MUC3A: variants seen among roughly 807,000 people sequenced by gnomAD.
MUC3A encodes mucin-3A.
In MUC3A, 109 loss-of-function variants were observed where a neutral mutation model predicts 109.0. The ratio of observed to expected loss-of-function variants is 1.00; its 90% confidence interval spans 0.86 to 1.17. The LOEUF (loss-of-function observed/expected upper bound fraction) is 1.17. Among genes scored for constraint, MUC3A ranks in the 50% most tolerant of loss-of-function variants. MUC3A has a pLI of 0.00. For missense variants in MUC3A, 3,537 were observed against 2,469.4 expected (o/e 1.43, Z -9.16); for synonymous variants, 1,398 against 981.4 (o/e 1.42, Z -7.93).
intron 7 of MUC3A, 59 bp downstream of exon 7, chr7:100,965,406 A>G: frequency 6.4e-7 from 1 of 1,568,468 alleles, no homozygotes; most frequent in African/African-American, 1.3e-5. Flanking sequence ...GCTACCAGGG[A>G]CATTTGCCCA....
chr7:100,966,561 T>G lies in MUC3A; in HGVS notation c.9785+2T>G, dbSNP rs1331874473. ...GTGGGGCGGCCAGCGCCGAGGCCGG[T>G]GAGCGTGCGGGGGGCGGGGCCGGGG... On this transcript the variant is annotated splice_donor_variant, in intron 9 of 11. Coordinates refer to ENST00000379458, the MANE Select transcript of MUC3A (RefSeq NM_005960.2). LOFTEE classifies it high-confidence loss of function. 2 of 1,439,196 alleles carry G rather than the reference T, an allele frequency of 1.4e-6. No homozygotes were observed. Among genetic ancestry groups the G allele is most frequent in the East Asian group, 2.6e-5 (1 of 38,770 alleles). 89.2% of individuals were successfully genotyped at this position (1,439,196 alleles called of 1,614,324 possible). A position where few individuals can be genotyped will look rare whatever the true frequency, so the allele number is the denominator to read the frequency against.
Position 100,954,721 on chromosome 7 carries a change from C to A in MUC3A, c.2942C>A (p.Ala981Asp). 1.0e-5 allele frequency: 4 copies of A among 400,806 alleles called. No homozygotes were observed. Among genetic ancestry groups the A allele is most frequent in the Admixed American group, 4.4e-5 (1 of 22,896 alleles). The allele number at this position is 400,806 out of a possible 1,614,324, so 24.8% of individuals were successfully genotyped here. Residue 981 changes from alanine (A) to aspartate (D), a missense_variant, in exon 2 of 12, where the codon GCC becomes GAC. Ala to Asp is a moderately radical substitution (Grantham distance 126). Transcript: ENST00000379458. ...RGQTTFPSSTATFPETTTLTP... is the reference protein window; with the variant it reads ...RGQTTFPSSTDTFPETTTLTP... Reference sequence around the variant, plus strand: ...CAGACCACCTTTCCCAGCTCTACAGCCACATTCCCTGAGACCACTACACTG... The same window carrying A: ...CAGACCACCTTTCCCAGCTCTACAGACACATTCCCTGAGACCACTACACTG...
chr7:100,956,525 A>C lies in MUC3A; in HGVS notation c.4746A>C (p.Ser1582=), dbSNP rs1190166512. 0.1 allele frequency: 38,062 copies of C among 381,206 alleles called. No individual in the cohort carries two copies. The highest frequency in any genetic ancestry group is 0.14 in the African/African-American group (6,209 of 42,850). 23.6% of individuals were successfully genotyped at this position (381,206 alleles called of 1,614,324 possible). The change falls in exon 2 of 12, where the codon TCA becomes TCC. Residue 1582 remains serine, a synonymous_variant. Transcript: ENST00000379458. ...CACAACCAACAACTATTACTCCCTC[A>C]TCCGTGGGCATCAGTGGTTCATTAC... is the stretch of plus-strand genomic sequence containing the variant. ...PTSQPTTITP[S]SVGISGSLPM...
intron 3 of MUC3A, 167 bp downstream of exon 3, chr7:100,961,104 C>G: frequency 1.0e-6 from 1 of 980,740 alleles, no homozygotes; most frequent in Non-Finnish European, 1.2e-6. Context: ...ATGCTCCTCT[C>G]CGTCCTCACC....
Position 100,965,367 on chromosome 7 carries a change from C to G in MUC3A, c.9448+20C>G, listed in dbSNP as rs764628120. The G allele has an allele frequency of 1.3e-6, 2 of 1,595,574 alleles. No individual in the cohort carries two copies. The highest frequency in any genetic ancestry group is 1.7e-6 in the Non-Finnish European group (2 of 1,178,148). On this transcript the variant is annotated intron_variant, in intron 7 of 11. Transcript: ENST00000379458. Reference sequence around the variant, plus strand: ...CGGCAGGTAAGGGTGGGGTAAAGGGCTGAGTGGTCTCCCGCGGCTATGATC... The same window carrying G: ...CGGCAGGTAAGGGTGGGGTAAAGGGGTGAGTGGTCTCCCGCGGCTATGATC...
At position 100,964,735 on chromosome 7, in the gene MUC3A, A is replaced by G; in HGVS notation, c.9274A>G (p.Met3092Val). Residue 3092 changes from methionine to valine, a missense_variant, in exon 6 of 12, where the codon ATG (methionine) becomes GTG (valine). Met to Val is a conservative substitution (Grantham distance 21, BLOSUM62 1). Coordinates refer to ENST00000379458, the MANE Select transcript of MUC3A (RefSeq NM_005960.2). ...GGTGGACTACCTGGTCCTGCTGGAG[A>G]TGCCCTTCAGCCCCCAGCTGGAGAG... Reference protein sequence around the residue: ...IVVDYLVLLEMPFSPQLESEY... With the variant: ...IVVDYLVLLEVPFSPQLESEY... 2 of 1,598,496 alleles carry G rather than the reference A, an allele frequency of 1.3e-6. No individual in the cohort carries two copies. Among genetic ancestry groups the G allele is most frequent in the Non-Finnish European group, 1.7e-6 (2 of 1,179,784 alleles).
In MUC3A at chr7:100,965,739, G is replaced by C; in HGVS notation, c.9484G>C (p.Glu3162Gln). 1.3e-6 allele frequency: 2 copies of C among 1,598,386 alleles called. No homozygotes were observed. The highest frequency in any genetic ancestry group is 8.5e-7 in the Non-Finnish European group (1 of 1,179,760). The change falls in exon 8 of 12, where the codon GAG becomes CAG. Residue 3162 changes from glutamate (E) to glutamine (Q), a missense_variant. Glu to Gln is a conservative substitution (Grantham distance 29, BLOSUM62 2). Coordinates refer to ENST00000379458, the MANE Select transcript of MUC3A (RefSeq NM_005960.2). ...CRRAAPTGYE[E>Q]FYFPLVEATR... ...CCGCGCCGCTCCCACGGGCTATGAA[G>C]AGTTCTACTTCCCCTTGGTGGAGGC... is the stretch of plus-strand genomic sequence containing the variant.
Position 100,956,258 on chromosome 7 carries a change from C to T in MUC3A, c.4479C>T (p.Thr1493=). 3.9e-6 allele frequency: 2 copies of T among 511,662 alleles called. No individual in the cohort carries two copies. The highest frequency in any genetic ancestry group is 3.6e-5 in the South Asian group (1 of 27,758). The allele number at this position is 511,662 out of a possible 1,614,324, so 31.7% of individuals were successfully genotyped here. Reference sequence around the variant, plus strand: ...TGACAGAGACATCATCTACTGCCACCTCTCTTCCACCCACCTCTTCCTTGG... The same window carrying T: ...TGACAGAGACATCATCTACTGCCACTTCTCTTCCACCCACCTCTTCCTTGG... The part of the protein sequence containing the change: ...TTMTETSSTA[T]SLPPTSSLVS... Residue 1493 remains threonine (T), a synonymous_variant, in exon 2 of 12, where the codon ACC becomes ACT. Coordinates refer to ENST00000379458, the MANE Select transcript of MUC3A (RefSeq NM_005960.2).
chr7:100,957,289 C>A lies in MUC3A; in HGVS notation c.5510C>A (p.Ser1837Tyr). ...SNSDTSSTPTSETTYPTSLTS... is the reference protein window; with the variant it reads ...SNSDTSSTPTYETTYPTSLTS... ...TCCGACACCAGTTCTACACCTACAT[C>A]TGAGACCACCTACCCTACTTCTCTT... Residue 1837 changes from serine to tyrosine, a missense_variant, in exon 2 of 12, where the codon TCT (serine) becomes TAT (tyrosine). By Grantham distance (144) the Ser-to-Tyr change is moderately radical. Coordinates refer to ENST00000379458, the MANE Select transcript of MUC3A (RefSeq NM_005960.2). 1 of 564,814 alleles carries A rather than the reference C, an allele frequency of 1.8e-6. No homozygotes were observed. The highest frequency in any genetic ancestry group is 3.0e-5 in the East Asian group (1 of 32,870). 35.0% of individuals were successfully genotyped at this position (564,814 alleles called of 1,614,324 possible). A position where few individuals can be genotyped will look rare whatever the true frequency, so the allele number is the denominator to read the frequency against.
intron 4 of MUC3A, 97 bp from the exon 5 acceptor site, chr7:100,963,591 G>T: frequency 6.3e-7 from 1 of 1,575,314 alleles, no homozygotes; most frequent in Admixed American, 1.7e-5. Flanking sequence ...GGCCGGGGAG[G>T]GGAATTGAAG....
chr7:100,964,677 A>C lies in MUC3A; in HGVS notation c.9234-18A>C, dbSNP rs771204319. The C allele has an allele frequency of 6.3e-7, 1 of 1,596,146 alleles. No individual in the cohort carries two copies. The highest frequency in any genetic ancestry group is 1.7e-5 in the Admixed American group (1 of 59,914). On this transcript the variant is annotated intron_variant, in intron 5 of 11. Coordinates refer to ENST00000379458, the MANE Select transcript of MUC3A (RefSeq NM_005960.2). ...ATGTTCCTGGCTGGGGCACTCTCTA[A>C]GGCTGTGGACCCCTCAGGAATGGCA... is the stretch of plus-strand genomic sequence containing the variant.
chr7:100,959,639 G>C lies in MUC3A; in HGVS notation c.7860G>C (p.Leu2620Phe). 1 of 1,598,512 alleles carries C rather than the reference G, an allele frequency of 6.3e-7. No individual in the cohort carries two copies. The highest frequency in any genetic ancestry group is 1.1e-5 in the South Asian group (1 of 91,084). Residue 2620 changes from leucine (L) to phenylalanine (F), a missense_variant, in exon 2 of 12, where the codon TTG (leucine) becomes TTC (phenylalanine). By Grantham distance (22) the Leu-to-Phe change is conservative. Coordinates refer to ENST00000379458, the MANE Select transcript of MUC3A (RefSeq NM_005960.2). ...TLHTLTPSTA[L>F]STIVSTSQVP... Reference sequence around the variant, plus strand: ...ATACTCTTACTCCATCAACAGCCTTGAGCACGATCGTGTCAACATCACAGG... The same window carrying C: ...ATACTCTTACTCCATCAACAGCCTTCAGCACGATCGTGTCAACATCACAGG...
Position 100,967,177 on chromosome 7 carries a change from C to G in MUC3A, c.*15C>G. 6.3e-7 allele frequency: 1 copy of G among 1,598,522 alleles called. No individual in the cohort carries two copies. Among genetic ancestry groups the G allele is most frequent in the Non-Finnish European group, 8.5e-7 (1 of 1,179,808 alleles). On this transcript the variant is annotated 3_prime_UTR_variant, in exon 12 of 12. Coordinates refer to ENST00000379458, the MANE Select transcript of MUC3A (RefSeq NM_005960.2). The stretch of plus-strand genomic sequence containing the variant: ...CCTCAGTGTGAGCCCTGCGGGGCCC[C>G]TTCACCACCCCCTCCGCCCTGCCCC...
At chr7:100,962,637 CTTTTCTTCTTTTCTTTTG>C (rs1792367010) in intron 3 of MUC3A, among the ~76,000 whole-genome samples, 3 of 7,372 alleles carry the variant, frequency 4.1e-4, no homozygotes, top group African/African-American at 3.5e-3. Flanking sequence ...TCTCTTCTTT[CTTTTCTTCTTTTCTTTTG>C]TCTCTTTCTC....
At chr7:100,963,796 G>C in intron 5 of MUC3A, 44 bp downstream of exon 5, 3 of 1,597,480 alleles carry the variant, frequency 1.9e-6, no homozygotes, top group South Asian at 1.1e-5. Flanking sequence ...TTGGGTGGGG[G>C]AAATGTGCGC....
chr7:100,963,883 C>T (rs1563073980), intron 5 of MUC3A, 131 bp downstream of exon 5: 1 of 1,283,852 alleles, frequency 7.8e-7, no homozygotes, highest in Non-Finnish European at 1.1e-6. Flanking sequence ...TAAGGAATCA[C>T]TCCCTGGGTA....
intron 5 of MUC3A, chr7:100,964,125 A>G: frequency 2.5e-6 from 1 of 396,670 alleles, no homozygotes; most frequent in Non-Finnish European, 4.6e-6. Context: ...CCGGTGGATG[A>G]TGGCTTGATG....
At position 100,953,281 on chromosome 7, in the gene MUC3A, G is replaced by C. The variant is rs1229668308; in HGVS notation, c.1502G>C (p.Ser501Thr). The change falls in exon 2 of 12, where the codon AGC (serine) becomes ACC (threonine). Residue 501 changes from serine to threonine, a missense_variant. Physicochemically the swap from Ser to Thr is moderately conservative, Grantham distance 58 (BLOSUM62 1). Coordinates refer to ENST00000379458, the MANE Select transcript of MUC3A (RefSeq NM_005960.2). ...AATACAGAAACCTCATCCCTTGTCA[G>C]CATGACCTCTGCCACTACTCCCAAT... ...IQNTETSSLV[S>T]MTSATTPNVR... 3 of 384,740 alleles carry C rather than the reference G, an allele frequency of 7.8e-6. No individual in the cohort carries two copies. The allele number at this position is 384,740 out of a possible 1,614,324, so 23.8% of individuals were successfully genotyped here.
rs1300471691 is a variant in MUC3A at position 100,966,424 on chromosome 7, G to T, written c.9650G>T (p.Arg3217Leu). The T allele has an allele frequency of 1.5e-6, 2 of 1,348,918 alleles. No homozygotes were observed. Among genetic ancestry groups the T allele is most frequent in the Non-Finnish European group, 1.9e-6 (2 of 1,057,260 alleles). 83.6% of individuals were successfully genotyped at this position (1,348,918 alleles called of 1,614,324 possible). The change falls in exon 9 of 12, where the codon CGC (arginine) becomes CTC (leucine). Residue 3217 changes from arginine to leucine, a missense_variant. Coordinates refer to ENST00000379458, the MANE Select transcript of MUC3A (RefSeq NM_005960.2). ...STDTHWFSGP[R>L]CEVAVHWRAL... The stretch of plus-strand genomic sequence containing the variant: ...GACACGCACTGGTTCTCTGGCCCGC[G>T]CTGCGAGGTGGCCGTCCACTGGAGG...
Sources: gnomAD v4.1 joint callset for allele counts (sites outside exome capture counted in the v4.1 genomes callset) on GRCh38, gnomAD v4.1.1 for gene constraint, MANE v1.5 for transcripts, NCBI Gene and HGNC (gene_info 2026-07-23, HGNC 2026-07-21) for gene names.